Variants in DACH1 observed in about 807,000 individuals in gnomAD.
DACH1 encodes dachshund family transcription factor 1.
In DACH1, 12 loss-of-function variants were observed where a neutral mutation model predicts 54.2. That is an observed-to-expected ratio of 0.22 (90% CI 0.14 to 0.36). The LOEUF (loss-of-function observed/expected upper bound fraction) is 0.36. Ranked by LOEUF, DACH1 falls within the 10% of genes least tolerant of loss-of-function variation. DACH1 has a pLI of 1.00. For synonymous variants in DACH1, 386 were observed against 366.2 expected (o/e 1.05, Z -0.62); for missense variants, 805 against 929.8 (o/e 0.87, Z 1.75).
intron 1 of DACH1, among the ~76,000 whole-genome samples, chr13:71,845,330 T>A (rs951410959): frequency 6.6e-6 from 1 of 152,164 alleles, no homozygotes; most frequent in Admixed American, 6.5e-5. Context: ...ATCATGAAAG[T>A]GTGCCAATAT....
At chr13:71,742,218 A>G (rs1304457245) in intron 1 of DACH1, among the ~76,000 whole-genome samples, 1 of 152,160 alleles carries the variant, frequency 6.6e-6, no homozygotes, top group Non-Finnish European at 1.5e-5. Flanking sequence ...TGTAAGTCCA[A>G]TTAAATCTCT....
At chr13:71,549,723 T>C (rs190814246) in intron 6 of DACH1, among the ~76,000 whole-genome samples, 33 of 152,284 alleles carry the variant, frequency 2.2e-4, no homozygotes, top group African/African-American at 7.0e-4. Context: ...TGTAAAACTG[T>C]AGTAATTTAC....
chr13:71,612,533 T>G (rs1430619727), intron 3 of DACH1, among the ~76,000 whole-genome samples: 1 of 152,060 alleles, frequency 6.6e-6, no homozygotes, highest in African/African-American at 2.4e-5. Context: ...AACACCAAAG[T>G]GGGAGTCCAA....
intron 3 of DACH1, among the ~76,000 whole-genome samples, chr13:71,602,945 C>T (rs1282152632): frequency 6.6e-6 from 1 of 151,780 alleles, no homozygotes; most frequent in Non-Finnish European, 1.5e-5. Flanking sequence ...TCTGTGATGC[C>T]AACATAAGCT....
intron 3 of DACH1, among the ~76,000 whole-genome samples, chr13:71,586,314 C>T (rs758260974): frequency 6.6e-6 from 1 of 152,026 alleles, no homozygotes; most frequent in Non-Finnish European, 1.5e-5. Context: ...AATATTCCTC[C>T]CAAATTCAGG....
In DACH1 at chr13:71,797,508, T is replaced by A. The variant is rs145920089; in HGVS notation, c.848+68414A>T. ...TCATTTCAGTTCATCTAATAAGTAA[T>A]GTTTTTGCCGAACAAAACCAATTCC... is the stretch of plus-strand genomic sequence containing the variant. On this transcript the variant is annotated intron_variant, in intron 1 of 10. Transcript: ENST00000613252. 1.8e-4 allele frequency among the ~76,000 whole-genome samples: 28 copies of A among 152,284 alleles called. No homozygotes were observed. In the East Asian group the frequency reaches 2.7e-3, roughly 15 times the overall value.
chr13:71,866,101 C>G lies in DACH1; in HGVS notation c.669G>C (p.Val223=), dbSNP rs376965444. The change falls in exon 1 of 11, where the codon GTG becomes GTC. Residue 223 remains valine, a synonymous_variant. Transcript: ENST00000613252. ...QAFDLFLKHL[V]GGLHTVYTKL... is the part of the protein sequence containing the mutation. ...TGGTGTAGACCGTATGCAAGCCCCCCACCAAGTGCTTCAGGAACAGGTCGA... is the reference window on the plus strand; with the variant it reads ...TGGTGTAGACCGTATGCAAGCCCCCGACCAAGTGCTTCAGGAACAGGTCGA... 2 of 1,613,704 alleles carry G rather than the reference C, an allele frequency of 1.2e-6. No homozygotes were observed. The highest frequency in any genetic ancestry group is 1.3e-5 in the African/African-American group (1 of 74,936).
chr13:71,714,021 T>C (rs569351741), intron 1 of DACH1, among the ~76,000 whole-genome samples: 1 of 152,056 alleles, frequency 6.6e-6, no homozygotes, highest in African/African-American at 2.4e-5. Context: ...TCAAAATGTC[T>C]CTACAGATAC....
intron 3 of DACH1, among the ~76,000 whole-genome samples, chr13:71,594,364 C>A (rs1205615412): frequency 1.3e-5 from 2 of 151,958 alleles, no homozygotes; most frequent in Non-Finnish European, 2.9e-5. Flanking sequence ...ATTGCATGCT[C>A]AGAGATTTAG....
intron 10 of DACH1, among the ~76,000 whole-genome samples, chr13:71,456,356 A>G (rs1875564150): frequency 6.6e-6 from 1 of 152,106 alleles, no homozygotes; most frequent in African/African-American, 2.4e-5. Flanking sequence ...CACTATTTCC[A>G]TTAAAATTAA....
At chr13:71,840,654 C>T (rs1234765444) in intron 1 of DACH1, among the ~76,000 whole-genome samples, 4 of 151,868 alleles carry the variant, frequency 2.6e-5, no homozygotes, top group Admixed American at 1.3e-4. Context: ...GTATCCTTTG[C>T]CATTGCTACA....
chr13:71,816,753 C>A (rs779565641), intron 1 of DACH1, among the ~76,000 whole-genome samples: 6 of 151,628 alleles, frequency 4.0e-5, no homozygotes, highest in Non-Finnish European at 7.4e-5. Flanking sequence ...AGATCACGTC[C>A]TTTGCAGGAG....
chr13:71,623,860 G>A (rs1297171954), intron 3 of DACH1, among the ~76,000 whole-genome samples: 1 of 151,714 alleles, frequency 6.6e-6, no homozygotes, highest in Non-Finnish European at 1.5e-5. Flanking sequence ...GTGTCTAGAA[G>A]GACTTACTTG....
At chr13:71,856,359 G>A (rs536421581) in intron 1 of DACH1, among the ~76,000 whole-genome samples, 16 of 152,018 alleles carry the variant, frequency 1.1e-4, no homozygotes, top group Admixed American at 7.9e-4. Context: ...TGTCAACAGT[G>A]CGTAAGAAAA....
At chr13:71,597,070 C>T (rs994586565) in intron 3 of DACH1, among the ~76,000 whole-genome samples, 1 of 152,022 alleles carries the variant, frequency 6.6e-6, no homozygotes, top group African/African-American at 2.4e-5. Context: ...TCACTCAAGC[C>T]AGTCACTTCA....
chr13:71,523,902 G>A (rs1042602400), intron 6 of DACH1, among the ~76,000 whole-genome samples: 1 of 152,020 alleles, frequency 6.6e-6, no homozygotes, highest in Non-Finnish European at 1.5e-5. Flanking sequence ...TTTACCATAT[G>A]CAGTATGTGA....
chr13:71,466,894 A>G (rs1196516213), intron 10 of DACH1, among the ~76,000 whole-genome samples: 1 of 151,020 alleles, frequency 6.6e-6, no homozygotes, highest in Non-Finnish European at 1.5e-5. Context: ...ACTAAGCTCA[A>G]TCATTATGCC....
chr13:71,655,823 T>C (rs1265457937), intron 2 of DACH1, among the ~76,000 whole-genome samples: 6 of 152,326 alleles, frequency 3.9e-5, no homozygotes, highest in Non-Finnish European at 8.8e-5. Flanking sequence ...CTTTAATTTG[T>C]TGGTGTTTTA....
chr13:71,562,457 A>C (rs1488865804), intron 4 of DACH1, among the ~76,000 whole-genome samples: 3 of 152,058 alleles, frequency 2.0e-5, no homozygotes. Flanking sequence ...CCCAGATATT[A>C]AAATTTGAAA....
Sources: gnomAD v4.1 joint callset for allele counts (sites outside exome capture counted in the v4.1 genomes callset) on GRCh38, gnomAD v4.1.1 for gene constraint, MANE v1.5 for transcripts, NCBI Gene and HGNC (gene_info 2026-07-23, HGNC 2026-07-21) for gene names.